The following SEC31A variants were observed in gnomAD, a reference collection of about 807,000 sequenced individuals.
SEC31A encodes the protein SEC31 homolog A, COPII component, also known as protein transport protein Sec31A.
SEC31A carries 70 observed loss-of-function variants against 151.0 expected under a neutral mutation model. The ratio of observed to expected loss-of-function variants is 0.46; its 90% CI spans 0.38 to 0.57. The LOEUF is 0.57. Among genes scored for constraint, SEC31A ranks in the 20% least tolerant of loss-of-function variants. SEC31A has a pLI of 0.00. For missense variants in SEC31A, 1,330 were observed against 1,471.2 expected (o/e 0.90, Z 1.57); for synonymous variants, 475 against 505.9 (o/e 0.94, Z 0.82).
At chr4:82,829,665 T>C (rs961758783) in intron 22 of SEC31A, among the ~76,000 whole-genome samples, 1 of 152,160 alleles carries the variant, frequency 6.6e-6, no homozygotes, top group African/African-American at 2.4e-5. Flanking sequence ...TGTGCTAAGA[T>C]TTTTAATGCC....
chr4:82,861,845 T>C (rs1734188062), intron 13 of SEC31A, 137 bp from the exon 14 acceptor site: 1 of 491,878 alleles, frequency 2.0e-6, no homozygotes, highest in African/African-American at 2.0e-5. Context: ...TGAGTAAATT[T>C]ATTTGAGAAA....
chr4:82,837,550 G>A (rs6535401), intron 22 of SEC31A, among the ~76,000 whole-genome samples: 151,750 of 152,188 alleles, frequency 1, 75,656 homozygotes, highest in Non-Finnish European at 1. Context: ...CACCTGGCTA[G>A]TTTTTTGTAT....
intron 1 of SEC31A, among the ~76,000 whole-genome samples, chr4:82,886,797 A>G (rs1482027865): frequency 1.3e-5 from 2 of 152,214 alleles, no homozygotes; most frequent in Non-Finnish European, 2.9e-5. Flanking sequence ...ATTTTAATAA[A>G]CATTTTGTAA....
intron 6 of SEC31A, among the ~76,000 whole-genome samples, chr4:82,872,340 C>A (rs11732829): frequency 0.19 from 28,634 of 151,970 alleles, 2,903 homozygotes; most frequent in South Asian, 0.34. Context: ...CAGGCGCAAG[C>A]CACCATGCCA....
chr4:82,834,273 G>A (rs1250875158), intron 22 of SEC31A, among the ~76,000 whole-genome samples: 3 of 152,132 alleles, frequency 2.0e-5, no homozygotes, highest in African/African-American at 7.2e-5. Context: ...TGAAAGTACT[G>A]GAAACACAGT....
chr4:82,864,937 G>A (rs1374818263), intron 10 of SEC31A, among the ~76,000 whole-genome samples: 1 of 152,046 alleles, frequency 6.6e-6, no homozygotes, highest in Non-Finnish European at 1.5e-5. Context: ...CACCATGCCT[G>A]GCTAACTTTT....
Position 82,874,651 on chromosome 4 carries a change from T to C in SEC31A, c.599A>G (p.Lys200Arg). 1 of 1,611,826 alleles carries C rather than the reference T, an allele frequency of 6.2e-7. No individual in the cohort carries two copies. ...ACTGACTTTGATGATTGGCTCATTT[T>C]TTCTAAGATCCCATACAGTGGCCCG... The part of the protein sequence containing the change: ...SGRATVWDLR[K>R]NEPIIKVSDH... Residue 200 changes from lysine (K) to arginine (R), a missense_variant, in exon 6 of 27, where the codon AAA (lysine) becomes AGA (arginine). By Grantham distance (26) the Lys-to-Arg change is conservative (BLOSUM62 2). Transcript: ENST00000395310.
chr4:82,856,251 A>G (rs527925246), intron 16 of SEC31A, among the ~76,000 whole-genome samples: 49 of 152,010 alleles, frequency 3.2e-4, no homozygotes, highest in African/African-American at 1.1e-3. Flanking sequence ...CCAAGGTTCA[A>G]GCGATTCTCC....
Position 82,823,542 on chromosome 4 carries a change from TAGA to T in SEC31A, c.3411+1010_3411+1012del, listed in dbSNP as rs1226667591. Among the ~76,000 whole-genome samples the T allele has an allele frequency of 4.6e-5, 7 of 152,220 alleles. No individual in the cohort carries two copies. In the South Asian group the frequency reaches 1.4e-3, roughly 32 times the overall value. ...TCAATGTCTGATGAACAATAAGATCTAGAAGATGTTTTTTCATGCAGACAAGTA... is the reference window on the plus strand; with the variant it reads ...TCAATGTCTGATGAACAATAAGATCTAGATGTTTTTTCATGCAGACAAGTA... On this transcript the variant is annotated intron_variant, in intron 25 of 26. Transcript: ENST00000395310.
At chr4:82,893,934 G>A (rs931941215), upstream of SEC31A, 1 of 152,054 alleles carries the variant, frequency 6.6e-6, no homozygotes, top group East Asian at 1.9e-4. Context: ...ATTTTTTTAA[G>A]ATTAGGAAAC....
chr4:82,852,861 G>T (rs1305644405), intron 18 of SEC31A, among the ~76,000 whole-genome samples: 1 of 152,172 alleles, frequency 6.6e-6, no homozygotes, highest in Admixed American at 6.5e-5. Flanking sequence ...CAGGCCAGCA[G>T]GGGGGATGGT....
At chr4:82,857,582 A>G (rs1269320974) in intron 15 of SEC31A, 107 bp downstream of exon 15, 2 of 738,722 alleles carry the variant, frequency 2.7e-6, no homozygotes, top group Non-Finnish European at 4.6e-6. Flanking sequence ...CTGGGACTAT[A>G]AGCATGCACC....
chr4:82,897,805 G>C (rs1578435569), intron 3 of SEC31A: 1 of 152,020 alleles, frequency 6.6e-6, no homozygotes, highest in East Asian at 1.9e-4. Context: ...ATAGTAACTG[G>C]CCAATAAATA....
intron 14 of SEC31A, among the ~76,000 whole-genome samples, chr4:82,858,508 C>T (rs1419506513): frequency 2.9e-4 from 37 of 126,656 alleles, no homozygotes; most frequent in Non-Finnish European, 4.3e-4. Context: ...TGCGCCACTG[C>T]ACTCCAGCCT....
At chr4:82,859,791 A>T (rs1039983827) in intron 14 of SEC31A, among the ~76,000 whole-genome samples, 58 of 140,454 alleles carry the variant, frequency 4.1e-4, no homozygotes, top group Middle Eastern at 3.7e-3. Flanking sequence ...GCATAAAAAT[A>T]TTTTTTTTTT....
intron 24 of SEC31A, 23 bp from the exon 25 acceptor site, chr4:82,824,697 T>C (rs1334958464): frequency 2.5e-6 from 4 of 1,607,826 alleles, no homozygotes; most frequent in African/African-American, 1.3e-5. Context: ...CACCAAAAAC[T>C]GATCAGAAAT....
chr4:82,891,052 C>A, intron 1 of SEC31A, 36 bp downstream of exon 1: 2 of 1,535,716 alleles, frequency 1.3e-6, no homozygotes, highest in Non-Finnish European at 1.7e-6. Context: ...AGCTTAAGGA[C>A]CGGCGAAGAG....
intron 6 of SEC31A, among the ~76,000 whole-genome samples, 157 bp from the exon 7 acceptor site, chr4:82,872,243 AG>A (rs1736863407): frequency 6.6e-6 from 1 of 152,228 alleles, no homozygotes; most frequent in Non-Finnish European, 1.5e-5. Flanking sequence ...GCTGGAGTGC[AG>A]TAGCGCCATC....
At chr4:82,837,502 G>A (rs57639686) in intron 22 of SEC31A, among the ~76,000 whole-genome samples, 1 of 151,844 alleles carries the variant, frequency 6.6e-6, no homozygotes, top group East Asian at 1.9e-4. Flanking sequence ...TCCCATCTCA[G>A]CCTCCCAAGT....
Sources: allele counts gnomAD v4.1 joint callset (sites outside exome capture counted in the v4.1 genomes callset), GRCh38; gene constraint gnomAD v4.1.1; transcripts MANE v1.5; gene names NCBI Gene and HGNC (gene_info 2026-07-23, HGNC 2026-07-21).